Variants in TRPC3 observed in about 807,000 individuals in gnomAD.
TRPC3 encodes the protein transient receptor potential cation channel subfamily C member 3.
TRPC3 carries 54 observed loss-of-function variants against 90.9 expected under a neutral mutation model. The ratio of observed to expected loss-of-function variants is 0.59; its 90% CI spans 0.48 to 0.75. The LOEUF (loss-of-function observed/expected upper bound fraction) is 0.75. Ranked by LOEUF, TRPC3 falls within the 30% of genes least tolerant of loss-of-function variation. The pLI, the probability that TRPC3 is intolerant of heterozygous loss-of-function variation, is 0.00. For missense variants in TRPC3, 918 were observed against 1,194.5 expected (o/e 0.77, Z 3.41); for synonymous variants, 424 against 450.9 (o/e 0.94, Z 0.75).
intron 6 of TRPC3, 24 bp from the exon 7 acceptor site, chr4:121,907,591 TA>T: frequency 1.3e-6 from 2 of 1,581,392 alleles, no homozygotes; most frequent in Non-Finnish European, 1.7e-6. Context: ...AGAAAGAGAT[TA>T]AAAATGGAGC....
Position 121,904,444 on chromosome 4 carries a change from A to G in TRPC3, c.2131T>C (p.Tyr711His). Reference protein sequence around the residue: ...LSEVTSVVLKYDHKFIENIGY... With the variant: ...LSEVTSVVLKHDHKFIENIGY... ...ATATTTTCTATGAATTTGTGATCAT[A>G]TTTGAGCACAACGGAAGTCACTTCA... Residue 711 changes from tyrosine (Y) to histidine (H), a missense_variant, in exon 8 of 12, where the codon TAT becomes CAT. This residue lies in a region of TRPC3 where 147 missense variants were observed against 263.5 expected (regional missense o/e 0.56). Transcript: ENST00000379645. The G allele has an allele frequency of 6.2e-7, 1 of 1,605,984 alleles. No individual in the cohort carries two copies. The highest frequency in any genetic ancestry group is 8.5e-7 in the Non-Finnish European group (1 of 1,177,446).
chr4:121,947,031 C>T (rs78065306), intron 1 of TRPC3, among the ~76,000 whole-genome samples: 5,143 of 151,286 alleles, frequency 0.034, 152 homozygotes, highest in African/African-American at 0.074. Context: ...AAAAATTTTA[C>T]AAGTAGTCAG....
intron 4 of TRPC3, among the ~76,000 whole-genome samples, chr4:121,913,451 C>G (rs1729181759): frequency 6.6e-6 from 1 of 152,166 alleles, no homozygotes; most frequent in Non-Finnish European, 1.5e-5. Context: ...TCCATGTTTC[C>G]CTTCTCTGCA....
chr4:121,915,706 T>C lies in TRPC3; in HGVS notation c.1177-762A>G, dbSNP rs542096785. 2.6e-4 allele frequency among the ~76,000 whole-genome samples: 40 copies of C among 152,312 alleles called. No homozygotes were observed. In the South Asian group the frequency reaches 3.5e-3, roughly 13 times the overall value. On this transcript the variant is annotated intron_variant, in intron 3 of 11. Coordinates refer to ENST00000379645, the MANE Select transcript of TRPC3 (RefSeq NM_001130698.2). ...CAGCCCAGCCATTTGATTTTTTTTT[T>C]CCCGTTTGATTTTGTTAAGTTATCT... is the stretch of plus-strand genomic sequence containing the variant.
Position 121,932,367 on chromosome 4 carries a change from C to T in TRPC3, c.891G>A (p.Pro297=), listed in dbSNP as rs1010966119. 4.3e-6 allele frequency: 7 copies of T among 1,614,002 alleles called. No individual in the cohort carries two copies. Among genetic ancestry groups the T allele is most frequent in the African/African-American group, 1.3e-5 (1 of 74,910 alleles). ...RINAYKGLAS[P]AYLSLSSEDP... is the part of the protein sequence containing the mutation. ...CCTCGCTGGACAATGAGAGGTAAGC[C>T]GGGCTGGCCAGCCCCTTGTAGGCAT... Residue 297 remains proline, a synonymous_variant, in exon 2 of 12, where the codon CCG becomes CCA. Transcript: ENST00000379645. The surrounding 1 kb of genome is among the most constrained non-coding windows in gnomAD (Gnocchi z 7.7).
intron 6 of TRPC3, among the ~76,000 whole-genome samples, chr4:121,908,673 A>G (rs916580221): frequency 3.3e-5 from 5 of 152,172 alleles, no homozygotes; most frequent in African/African-American, 1.2e-4. Flanking sequence ...TGGAAGCTAA[A>G]TAGTGGGTAT....
chr4:121,932,152 G>A lies in TRPC3; in HGVS notation c.987+119C>T, dbSNP rs1578648442. 7 of 1,463,870 alleles carry A rather than the reference G, an allele frequency of 4.8e-6. No homozygotes were observed. The East Asian group carries it at 1.4e-4, about 29-fold the overall frequency. 90.7% of individuals were successfully genotyped at this position (1,463,870 alleles called of 1,614,324 possible). On this transcript the variant is annotated intron_variant, in intron 2 of 11. Coordinates refer to ENST00000379645, the MANE Select transcript of TRPC3 (RefSeq NM_001130698.2). This position sits in a 1 kb window ranked among gnomAD's most constrained non-coding sequence, Gnocchi z 7.7. ...GTCTGAATGACGTTCTCAGTCCCTC[G>A]TGATTTCACATTCACTGGGCAAAAC... is the stretch of plus-strand genomic sequence containing the variant.
intron 1 of TRPC3, among the ~76,000 whole-genome samples, chr4:121,940,559 A>G (rs1578656640): frequency 6.6e-6 from 1 of 152,150 alleles, no homozygotes; most frequent in Admixed American, 6.6e-5. Context: ...CTCTTTGCCA[A>G]TTCAAATCCT....
intron 3 of TRPC3, among the ~76,000 whole-genome samples, chr4:121,921,881 G>A (rs764790331): frequency 3.2e-4 from 48 of 150,834 alleles, no homozygotes; most frequent in Non-Finnish European, 3.5e-4. Context: ...AGTGTTGACT[G>A]AAAACGAAGG....
chr4:121,902,757 A>G (rs1728744493), intron 9 of TRPC3, 95 bp downstream of exon 9: 1 of 925,620 alleles, frequency 1.1e-6, no homozygotes, highest in African/African-American at 1.7e-5. Flanking sequence ...ACATCTTCTA[A>G]GTTCACACAT....
At chr4:121,939,918 T>G (rs1221920516) in intron 1 of TRPC3, among the ~76,000 whole-genome samples, 2 of 151,956 alleles carry the variant, frequency 1.3e-5, no homozygotes, top group African/African-American at 4.8e-5. Flanking sequence ...TAAGCTCCCC[T>G]CCCCCAAGGG....
At chr4:121,905,301 C>A (rs778181499) in intron 7 of TRPC3, among the ~76,000 whole-genome samples, 4 of 152,062 alleles carry the variant, frequency 2.6e-5, no homozygotes, top group African/African-American at 4.8e-5. Context: ...GAAGGACAGG[C>A]ATTTCCCTGT....
chr4:121,917,069 G>C (rs888400221), intron 3 of TRPC3, among the ~76,000 whole-genome samples: 1 of 152,132 alleles, frequency 6.6e-6, no homozygotes, highest in African/African-American at 2.4e-5. Flanking sequence ...CTTAGTTACA[G>C]CAGCCTGAAC....
chr4:121,887,360 T>C (rs1034508862), intron 10 of TRPC3, among the ~76,000 whole-genome samples: 2 of 152,234 alleles, frequency 1.3e-5, no homozygotes, highest in African/African-American at 4.8e-5. Flanking sequence ...ACACTGCCAT[T>C]CTACTTCAAT....
rs868559238 is a variant in TRPC3 at position 121,914,643 on chromosome 4, A to G, written c.1341+137T>C. ...ATTTGAATTGATCCAGTAATTAAAA[A>G]GGAGAATCTGTGTTCTTGAATCAAT... On this transcript the variant is annotated intron_variant, in intron 4 of 11. Transcript: ENST00000379645. 15 of 944,804 alleles carry G rather than the reference A, an allele frequency of 1.6e-5. No homozygotes were observed. The Middle Eastern group carries it at 1.1e-3, about 70-fold the overall frequency. 58.5% of individuals were successfully genotyped at this position (944,804 alleles called of 1,614,324 possible). A position where few individuals can be genotyped will look rare whatever the true frequency, so the allele number is the denominator to read the frequency against.
intron 3 of TRPC3, among the ~76,000 whole-genome samples, chr4:121,918,095 G>T (rs11721457): frequency 0.28 from 42,093 of 151,970 alleles, 6,303 homozygotes; most frequent in East Asian, 0.4. Context: ...CTTGTTAATG[G>T]TATTAAGACG....
chr4:121,912,123 T>C (rs1005965826), intron 4 of TRPC3, 30 bp from the exon 5 acceptor site: 18 of 1,601,210 alleles, frequency 1.1e-5, no homozygotes, highest in Non-Finnish European at 1.5e-5. Context: ...AAAAGTTTGC[T>C]TCAGAAAATC....
intron 6 of TRPC3, 140 bp from the exon 7 acceptor site, chr4:121,907,707 G>A (rs534967049): frequency 2.3e-6 from 2 of 877,728 alleles, no homozygotes; most frequent in Admixed American, 2.9e-5. Context: ...TTAATTAACT[G>A]TCCAGGGACT....
At position 121,879,450 on chromosome 4, in the gene TRPC3, T is replaced by A. The variant is rs201167376; in HGVS notation, c.*286A>T. On this transcript the variant is annotated 3_prime_UTR_variant, in exon 12 of 12. Coordinates refer to ENST00000379645, the MANE Select transcript of TRPC3 (RefSeq NM_001130698.2). Reference sequence around the variant, plus strand: ...TGATAGTCTCTTGGAGGCAAACAGGTAGTGCAAAGATGTGGAGTTTACTCT... The same window carrying A: ...TGATAGTCTCTTGGAGGCAAACAGGAAGTGCAAAGATGTGGAGTTTACTCT... The A allele has an allele frequency of 5.6e-5, 17 of 301,822 alleles. No individual in the cohort carries two copies. Among genetic ancestry groups the A allele is most frequent in the Non-Finnish European group, 8.5e-5 (14 of 164,186 alleles). The allele number at this position is 301,822 out of a possible 1,614,324, so 18.7% of individuals were successfully genotyped here.
Sources: allele counts gnomAD v4.1 joint callset (sites outside exome capture counted in the v4.1 genomes callset), GRCh38; gene constraint gnomAD v4.1.1; regional missense constraint gnomAD v4.1.1; non-coding constraint Gnocchi (gnomAD v3.1); transcripts MANE v1.5; gene names NCBI Gene and HGNC (gene_info 2026-07-23, HGNC 2026-07-21).